The following FHIT variants were observed in gnomAD, a reference collection of about 807,000 sequenced individuals.
FHIT encodes fragile histidine triad diadenosine triphosphatase.
A neutral mutation model predicts 17.9 loss-of-function variants in FHIT; 19 were observed. The observed-to-expected ratio is 1.06, with a 90% CI of 0.74 to 1.56. The LOEUF is 1.56. Among genes scored for constraint, FHIT ranks in the 40% most tolerant of loss-of-function variants. The probability of loss-of-function intolerance (pLI) is 0.00; values close to 1 mark genes in which losing one functional copy is unlikely to be tolerated. For synonymous variants in FHIT, 81 were observed against 69.7 expected, an observed-to-expected ratio of 1.16 and a Z score of -0.81; for missense variants, 248 against 189.2, an observed-to-expected ratio of 1.31 and a Z score of -1.82.
intron 3 of FHIT, among the ~76,000 whole-genome samples, chr3:61,039,792 T>C (rs1198947907): frequency 6.6e-6 from 1 of 152,070 alleles, no homozygotes; most frequent in African/African-American, 2.4e-5. Flanking sequence ...ATGGCACATG[T>C]ATACCTATGT....
intron 1 of FHIT, among the ~76,000 whole-genome samples, chr3:61,237,658 T>C (rs2040265693): frequency 6.6e-6 from 1 of 152,186 alleles, no homozygotes; most frequent in African/African-American, 2.4e-5. Context: ...TCTCAGGTCA[T>C]ACGTATTGAG....
chr3:60,136,219 G>C (rs1318301359), intron 5 of FHIT, among the ~76,000 whole-genome samples: 2 of 152,144 alleles, frequency 1.3e-5, no homozygotes, highest in African/African-American at 4.8e-5. Flanking sequence ...AAGGAGAGGA[G>C]AAGAGGGAGG....
intron 4 of FHIT, among the ~76,000 whole-genome samples, chr3:60,682,626 T>G (rs2040776627): frequency 6.6e-6 from 1 of 152,218 alleles, no homozygotes; most frequent in Non-Finnish European, 1.5e-5. Context: ...AAAATATTAC[T>G]GCTCACTGAA....
At chr3:60,315,949 A>C (rs1457431568) in intron 5 of FHIT, among the ~76,000 whole-genome samples, 1 of 152,150 alleles carries the variant, frequency 6.6e-6, no homozygotes, top group African/African-American at 2.4e-5. Flanking sequence ...ATTGAGGCAA[A>C]ATCATGCTGC....
At chr3:60,495,152 G>A (rs2034244789) in intron 5 of FHIT, among the ~76,000 whole-genome samples, 1 of 151,922 alleles carries the variant, frequency 6.6e-6, no homozygotes, top group African/African-American at 2.4e-5. Context: ...CTGTCTTTTG[G>A]ATATAAGCCA....
chr3:60,071,994 G>C lies in FHIT; in HGVS notation c.104-57842C>G, dbSNP rs191603581. On this transcript the variant is annotated intron_variant, in intron 5 of 9. Coordinates refer to ENST00000492590, the MANE Select transcript of FHIT (RefSeq NM_002012.4). ...GGCTTCCTCAGCCACGTGGAACTGTGAGTCCGTTAAACCTCTTCCCTTTAT... is the reference window on the plus strand; with the variant it reads ...GGCTTCCTCAGCCACGTGGAACTGTCAGTCCGTTAAACCTCTTCCCTTTAT... 1.5e-3 allele frequency among the ~76,000 whole-genome samples: 225 copies of C among 152,272 alleles called. 1 individual carries two copies. Among genetic ancestry groups the C allele is most frequent in the African/African-American group, 4.5e-3 (187 of 41,550 alleles).
intron 5 of FHIT, among the ~76,000 whole-genome samples, chr3:60,362,559 C>G (rs1168549008): frequency 6.6e-6 from 1 of 152,190 alleles, no homozygotes; most frequent in Admixed American, 6.5e-5. Context: ...TATCCCATCA[C>G]AGTGTCTGCC....
chr3:59,994,077 G>T (rs147986936), intron 7 of FHIT, among the ~76,000 whole-genome samples: 1 of 152,002 alleles, frequency 6.6e-6, no homozygotes, highest in Non-Finnish European at 1.5e-5. Context: ...GAAGCTCAGA[G>T]ATGTTAAATA....
At chr3:60,247,335 G>A (rs570630997) in intron 5 of FHIT, among the ~76,000 whole-genome samples, 1 of 151,902 alleles carries the variant, frequency 6.6e-6, no homozygotes, top group South Asian at 2.1e-4. Context: ...GCCAGCCTGG[G>A]CAAATATCAC....
At chr3:60,908,714 GAAA>G (rs5849399) in intron 3 of FHIT, among the ~76,000 whole-genome samples, 5 of 117,392 alleles carry the variant, frequency 4.3e-5, no homozygotes, top group African/African-American at 6.3e-5. Flanking sequence ...AGTCTCTTAT[GAAA>G]AAAAAAAAAA....
intron 5 of FHIT, among the ~76,000 whole-genome samples, chr3:60,257,332 G>A (rs932568209): frequency 2.0e-5 from 3 of 152,024 alleles, no homozygotes; most frequent in African/African-American, 7.2e-5. Context: ...ATCCAGAAAC[G>A]TTACCCTGGA....
intron 5 of FHIT, among the ~76,000 whole-genome samples, chr3:60,279,522 T>C (rs1707326361): frequency 6.6e-6 from 1 of 152,136 alleles, no homozygotes; most frequent in Non-Finnish European, 1.5e-5. Flanking sequence ...CTTCTTTAGA[T>C]AGGTAAAGCA....
chr3:60,961,426 T>G (rs566925592), intron 3 of FHIT, among the ~76,000 whole-genome samples: 1 of 152,204 alleles, frequency 6.6e-6, no homozygotes, highest in Non-Finnish European at 1.5e-5. Flanking sequence ...AGAAACTCTT[T>G]AGTTTAATTA....
At chr3:60,465,843 G>A (rs950957569) in intron 5 of FHIT, among the ~76,000 whole-genome samples, 1 of 151,846 alleles carries the variant, frequency 6.6e-6, no homozygotes, top group Non-Finnish European at 1.5e-5. Context: ...AGTACTTTTT[G>A]CTCAGGATAG....
At position 60,324,378 on chromosome 3, in the gene FHIT, A is replaced by T. The variant is rs182648235; in HGVS notation, c.103+212482T>A. ...GGCTGGTGAATCATGAGGTCAGGAG[A>T]TGGAGACCATCCTGGCTAACATGGT... On this transcript the variant is annotated intron_variant, in intron 5 of 9. Transcript: ENST00000492590. 4.1e-4 allele frequency among the ~76,000 whole-genome samples: 62 copies of T among 151,740 alleles called. 1 individual carries two copies. In the East Asian group the frequency reaches 0.011, roughly 27 times the overall value.
intron 2 of FHIT, among the ~76,000 whole-genome samples, chr3:61,131,328 A>G (rs1272966851): frequency 6.6e-6 from 1 of 152,210 alleles, no homozygotes; most frequent in Non-Finnish European, 1.5e-5. Flanking sequence ...TTTAGTGGAC[A>G]TCAGCATCAG....
At chr3:60,334,308 C>A (rs574996934) in intron 5 of FHIT, among the ~76,000 whole-genome samples, 30 of 152,288 alleles carry the variant, frequency 2.0e-4, no homozygotes, top group African/African-American at 7.0e-4. Context: ...CCAGTTGGCA[C>A]AAGGTTGTAT....
intron 5 of FHIT, among the ~76,000 whole-genome samples, chr3:60,526,982 G>A (rs2035599757): frequency 6.6e-6 from 1 of 152,154 alleles, no homozygotes; most frequent in Non-Finnish European, 1.5e-5. Context: ...TTGCGGTTTG[G>A]GGGCGTGGAG....
intron 4 of FHIT, among the ~76,000 whole-genome samples, chr3:60,667,760 C>G (rs1183683151): frequency 6.6e-6 from 1 of 152,248 alleles, no homozygotes; most frequent in South Asian, 2.1e-4. Context: ...GTCAGTAACC[C>G]TGTTAAATTA....
Sources: allele counts gnomAD v4.1 joint callset (sites outside exome capture counted in the v4.1 genomes callset), GRCh38; gene constraint gnomAD v4.1.1; transcripts MANE v1.5; gene names NCBI Gene and HGNC (gene_info 2026-07-23, HGNC 2026-07-21).